CUBN: variants seen among roughly 807,000 people sequenced by gnomAD.
The protein encoded by CUBN is 460 kDa receptor.
Under a neutral mutation model 405.3 loss-of-function variants are expected in CUBN, and 282 were observed. The observed-to-expected ratio is 0.70, with a 90% CI of 0.63 to 0.77. The LOEUF is 0.77. Among genes scored for constraint, CUBN ranks in the 30% least tolerant of loss-of-function variants. The pLI is 0.00. For missense variants in CUBN, 4,514 were observed against 4,475.2 expected (o/e 1.01, Z -0.25); for synonymous variants, 1,684 against 1,617.0 (o/e 1.04, Z -0.99).
chr10:16,940,231 G>C lies in CUBN; in HGVS notation c.5349C>G (p.Phe1783Leu), dbSNP rs147607921. The stretch of plus-strand genomic sequence containing the variant: ...TGCAGTCCTGAGAGTCTTCCAACTG[G>C]AAAGATCTGATTTGGGGAAAAAAAT... The part of the protein sequence containing the change: ...GNRLQLSFIS[F>L]QLEDSQDCSR... Residue 1783 changes from phenylalanine (F) to leucine (L), a missense_variant, in exon 37 of 67, where the codon TTC (phenylalanine) becomes TTG (leucine). Physicochemically the swap from Phe to Leu is conservative, Grantham distance 22 (BLOSUM62 0). This residue lies in a region of CUBN where 1,613 missense variants were observed against 1,542.8 expected (regional missense o/e 1.05). Transcript: ENST00000377833. 5.6e-6 allele frequency: 9 copies of C among 1,613,884 alleles called. No individual in the cohort carries two copies. Among genetic ancestry groups the C allele is most frequent in the Admixed American group, 3.3e-5 (2 of 60,022 alleles).
chr10:17,116,330 C>G (rs1476802776), intron 6 of CUBN, among the ~76,000 whole-genome samples: 2 of 152,188 alleles, frequency 1.3e-5, no homozygotes, highest in Non-Finnish European at 2.9e-5. Flanking sequence ...ATCTCTGCAG[C>G]TTAATGGGAA....
At position 17,105,557 on chromosome 10, in the gene CUBN, G is replaced by A. The variant is rs112462530; in HGVS notation, c.1130C>T (p.Thr377Met). 4.4e-6 allele frequency: 7 copies of A among 1,598,962 alleles called. No homozygotes were observed. The highest frequency in any genetic ancestry group is 4.5e-5 in the East Asian group (2 of 44,802). The change falls in exon 11 of 67, where the codon ACG (threonine) becomes ATG (methionine). Residue 377 changes from threonine (T) to methionine (M), a missense_variant. This residue lies in a region of CUBN where 1,448 missense variants were observed against 1,388.0 expected (regional missense o/e 1.04). Transcript: ENST00000377833. ...SSTLGSLPLC[T>M]CLPGYTGNGY... is the part of the protein sequence containing the mutation. ...ATTTCCAGTATAACCCGGGAGACAC[G>A]TGCAGAGAGGTAAGGAACCTGTTCA...
intron 27 of CUBN, among the ~76,000 whole-genome samples, chr10:17,029,567 G>A (rs566748490): frequency 6.6e-6 from 1 of 152,294 alleles, no homozygotes; most frequent in Non-Finnish European, 1.5e-5. Context: ...GAAATGTTTG[G>A]TAAACTCTTC....
At chr10:17,004,740 GC>G (rs1833972419) in intron 28 of CUBN, among the ~76,000 whole-genome samples, 1 of 148,516 alleles carries the variant, frequency 6.7e-6, no homozygotes, top group Admixed American at 6.8e-5. Flanking sequence ...TGCCATCTTG[GC>G]TCACTGCAAC....
At chr10:16,996,621 G>GCT (rs1554807497) in intron 28 of CUBN, among the ~76,000 whole-genome samples, 12 of 151,930 alleles carry the variant, frequency 7.9e-5, no homozygotes, top group Non-Finnish European at 1.8e-4. Flanking sequence ...GTATCTGTGT[G>GCT]TTTTTAATAA....
chr10:16,962,162 G>T (rs897335109), intron 31 of CUBN, among the ~76,000 whole-genome samples: 9 of 152,098 alleles, frequency 5.9e-5, no homozygotes, highest in African/African-American at 2.2e-4. Context: ...TGCAAAATTG[G>T]ATTAATATGA....
At chr10:17,113,755 C>G (rs1414936381) in intron 8 of CUBN, among the ~76,000 whole-genome samples, 1 of 152,216 alleles carries the variant, frequency 6.6e-6, no homozygotes. Context: ...CAAATCTGGT[C>G]AGTTGGTGGT....
At chr10:17,095,060 T>A (rs923379236) in intron 14 of CUBN, among the ~76,000 whole-genome samples, 3 of 152,018 alleles carry the variant, frequency 2.0e-5, no homozygotes, top group African/African-American at 7.2e-5. Flanking sequence ...AAAACAGATA[T>A]CTAGACCTAT....
intron 14 of CUBN, among the ~76,000 whole-genome samples, chr10:17,091,459 C>T (rs986906614): frequency 6.6e-5 from 10 of 152,054 alleles, no homozygotes; most frequent in Non-Finnish European, 1.3e-4. Context: ...TACATGATCT[C>T]TGTATGAGAG....
intron 58 of CUBN, among the ~76,000 whole-genome samples, chr10:16,872,070 T>C (rs920546741): frequency 2.0e-5 from 3 of 151,500 alleles, no homozygotes; most frequent in Non-Finnish European, 4.4e-5. Context: ...ACTAAATATA[T>C]ATATATATAC....
At chr10:16,845,467 GA>G (rs1266478246) in intron 60 of CUBN, among the ~76,000 whole-genome samples, 2 of 152,158 alleles carry the variant, frequency 1.3e-5, no homozygotes, top group Middle Eastern at 3.2e-3. Context: ...AATAGAGAGT[GA>G]CTTTTCCAGT....
intron 14 of CUBN, among the ~76,000 whole-genome samples, chr10:17,095,805 G>A (rs1836360774): frequency 6.6e-6 from 1 of 152,048 alleles, no homozygotes; most frequent in African/African-American, 2.4e-5. Flanking sequence ...GTTCATTGCA[G>A]CATTATTCAC....
chr10:16,955,093 G>A (rs938971583), intron 31 of CUBN, among the ~76,000 whole-genome samples: 5 of 151,934 alleles, frequency 3.3e-5, no homozygotes, highest in Non-Finnish European at 7.4e-5. Context: ...CTTTTTGCCC[G>A]TGCATGGTGG....
chr10:16,978,704 G>A (rs770390005), intron 31 of CUBN, among the ~76,000 whole-genome samples: 2 of 152,172 alleles, frequency 1.3e-5, no homozygotes, highest in Non-Finnish European at 2.9e-5. Context: ...AGAGAATCTG[G>A]TTTGTATTTG....
intron 29 of CUBN, 136 bp downstream of exon 29, chr10:16,990,198 G>T: frequency 1.1e-6 from 1 of 883,316 alleles, no homozygotes; most frequent in Non-Finnish European, 1.9e-6. Flanking sequence ...AATGATCACC[G>T]AAGGGCTGAT....
At chr10:17,114,394 A>G (rs539025448) in intron 7 of CUBN, among the ~76,000 whole-genome samples, 2 of 152,332 alleles carry the variant, frequency 1.3e-5, no homozygotes, top group Non-Finnish European at 2.9e-5. Flanking sequence ...TCAGAGTAAA[A>G]GCAAGCTATA....
chr10:16,930,361 G>A (rs1479850088), intron 40 of CUBN, among the ~76,000 whole-genome samples: 1 of 152,162 alleles, frequency 6.6e-6, no homozygotes, highest in Non-Finnish European at 1.5e-5. Context: ...TTTTGTATAT[G>A]AGGAACTGAA....
intron 27 of CUBN, among the ~76,000 whole-genome samples, chr10:17,038,775 G>A (rs1264518930): frequency 6.6e-6 from 1 of 152,144 alleles, no homozygotes; most frequent in Non-Finnish European, 1.5e-5. Flanking sequence ...TGGCCTCTTG[G>A]CTCACAGAGA....
At chr10:16,902,024 A>AGT (rs1236828862) in intron 51 of CUBN, among the ~76,000 whole-genome samples, 1,597 of 61,952 alleles carry the variant, frequency 0.026, 41 homozygotes, top group African/African-American at 0.065. Flanking sequence ...CACCATATAT[A>AGT]GTGTGTATAT....
Sources: allele counts gnomAD v4.1 joint callset (sites outside exome capture counted in the v4.1 genomes callset), GRCh38; gene constraint gnomAD v4.1.1; regional missense constraint gnomAD v4.1.1; transcripts MANE v1.5; gene names NCBI Gene and HGNC (gene_info 2026-07-23, HGNC 2026-07-21).